SCAPER: variants seen among roughly 807,000 people sequenced by gnomAD.
SCAPER encodes the protein S-phase cyclin A associated protein in the ER, also known as S phase cyclin A-associated protein in the endoplasmic reticulum.
A neutral mutation model predicts 182.2 loss-of-function variants in SCAPER; 98 were observed. The observed-to-expected ratio is 0.54, with a 90% CI of 0.46 to 0.64. The LOEUF is 0.64. Among genes scored for constraint, SCAPER ranks in the 30% least tolerant of loss-of-function variants. The pLI, the probability that SCAPER is intolerant of heterozygous loss-of-function variation, is 0.00. For synonymous variants in SCAPER, 605 were observed against 564.6 expected (o/e 1.07, Z -1.01); for missense variants, 1,432 against 1,690.0 (o/e 0.85, Z 2.68).
intron 8 of SCAPER, among the ~76,000 whole-genome samples, chr15:76,778,780 T>G (rs75366968): frequency 0.015 from 2,355 of 152,040 alleles, 61 homozygotes; most frequent in African/African-American, 0.055. Flanking sequence ...GGAGCTCAGC[T>G]TACAAAACCA....
At chr15:76,654,579 A>T (rs1387052405) in intron 21 of SCAPER, among the ~76,000 whole-genome samples, 1 of 152,240 alleles carries the variant, frequency 6.6e-6, no homozygotes, top group African/African-American at 2.4e-5. Flanking sequence ...AAAGAACTTA[A>T]AACAGGGCTA....
intron 17 of SCAPER, among the ~76,000 whole-genome samples, chr15:76,725,764 A>G (rs940985012): frequency 7.9e-5 from 12 of 152,058 alleles, no homozygotes; most frequent in African/African-American, 2.9e-4. Flanking sequence ...CTTTTCAACA[A>G]GAAGTGATGG....
At chr15:76,471,445 C>T in intron 24 of SCAPER, 110 bp from the exon 25 acceptor site, 1 of 1,293,026 alleles carries the variant, frequency 7.7e-7, no homozygotes, top group Non-Finnish European at 1.0e-6. Flanking sequence ...AGATGGAAGT[C>T]ACTCTAAAAA....
intron 15 of SCAPER, 36 bp downstream of exon 15, chr15:76,753,772 G>T: frequency 6.3e-7 from 1 of 1,588,658 alleles, no homozygotes; most frequent in Non-Finnish European, 8.6e-7. Flanking sequence ...AAGTACTTGG[G>T]TAATTAAGTC....
intron 20 of SCAPER, among the ~76,000 whole-genome samples, chr15:76,674,301 C>T (rs2057231281): frequency 6.6e-6 from 1 of 151,966 alleles, no homozygotes; most frequent in South Asian, 2.1e-4. Context: ...AACTCAACAC[C>T]AATTATAGTC....
chr15:76,564,646 C>T (rs547971866), intron 23 of SCAPER, among the ~76,000 whole-genome samples: 1 of 152,030 alleles, frequency 6.6e-6, no homozygotes, highest in South Asian at 2.1e-4. Context: ...ATATTCTTCA[C>T]AGAACTAAAA....
intron 27 of SCAPER, among the ~76,000 whole-genome samples, chr15:76,400,891 T>C (rs1461484795): frequency 1.3e-5 from 2 of 151,830 alleles, no homozygotes; most frequent in Non-Finnish European, 2.9e-5. Context: ...ATATTTCATA[T>C]ACATAATAAA....
intron 17 of SCAPER, among the ~76,000 whole-genome samples, chr15:76,714,247 T>C (rs932577796): frequency 1.3e-5 from 2 of 152,150 alleles, no homozygotes; most frequent in Non-Finnish European, 2.9e-5. Context: ...ATCTTGATTG[T>C]GCAGATAGTT....
chr15:76,500,866 C>G (rs1351501854), intron 24 of SCAPER, among the ~76,000 whole-genome samples: 2 of 151,672 alleles, frequency 1.3e-5, no homozygotes, highest in Admixed American at 1.3e-4. Context: ...ATCGTGAAAC[C>G]CTGTCTCTAC....
intron 14 of SCAPER, among the ~76,000 whole-genome samples, chr15:76,758,225 G>A (rs981700279): frequency 1.3e-5 from 2 of 151,944 alleles, no homozygotes; most frequent in African/African-American, 2.4e-5. Context: ...CAGATTTTAT[G>A]TTTAAGCCTT....
intron 25 of SCAPER, among the ~76,000 whole-genome samples, chr15:76,445,583 A>G (rs1320354528): frequency 6.6e-6 from 1 of 152,042 alleles, no homozygotes; most frequent in African/African-American, 2.4e-5. Flanking sequence ...AGCCACCTGG[A>G]GATGGCATGT....
At chr15:76,762,925 G>A (rs2062879638) in intron 14 of SCAPER, among the ~76,000 whole-genome samples, 1 of 152,094 alleles carries the variant, frequency 6.6e-6, no homozygotes, top group African/African-American at 2.4e-5. Flanking sequence ...CTAAAGTACT[G>A]GGATTACAAG....
At chr15:76,690,455 T>A (rs951877991) in intron 20 of SCAPER, among the ~76,000 whole-genome samples, 9 of 151,908 alleles carry the variant, frequency 5.9e-5, no homozygotes, top group Non-Finnish European at 1.3e-4. Context: ...AATCCTGAAA[T>A]AGAAAAAGAA....
intron 21 of SCAPER, among the ~76,000 whole-genome samples, chr15:76,651,558 G>C (rs1392625830): frequency 6.7e-6 from 1 of 150,218 alleles, no homozygotes; most frequent in African/African-American, 2.4e-5. Flanking sequence ...GACTGAATTA[G>C]GAAGAGATTG....
intron 20 of SCAPER, among the ~76,000 whole-genome samples, chr15:76,674,764 G>A (rs1269689831): frequency 6.6e-6 from 1 of 152,094 alleles, no homozygotes; most frequent in Non-Finnish European, 1.5e-5. Flanking sequence ...CTGTATTTTG[G>A]TGCTTCTATA....
At chr15:76,382,973 A>G (rs1397293061) in intron 27 of SCAPER, among the ~76,000 whole-genome samples, 2 of 152,112 alleles carry the variant, frequency 1.3e-5, no homozygotes, top group Non-Finnish European at 2.9e-5. Flanking sequence ...ATTTGGCATG[A>G]TCTACACAAT....
chr15:76,504,645 CAA>C (rs2041424365), intron 24 of SCAPER, among the ~76,000 whole-genome samples: 1 of 152,112 alleles, frequency 6.6e-6, no homozygotes, highest in Non-Finnish European at 1.5e-5. Flanking sequence ...CATCACAGAC[CAA>C]AGAGATTTCC....
intron 2 of SCAPER, among the ~76,000 whole-genome samples, chr15:76,864,530 GTTAATTTTTACTCTTT>G (rs2072121699): frequency 1.3e-5 from 2 of 152,060 alleles, no homozygotes; most frequent in East Asian, 3.9e-4. Flanking sequence ...CCACCCACTG[GTTAATTTTTACTCTTT>G]TGGGGAATAT....
intron 30 of SCAPER, among the ~76,000 whole-genome samples, chr15:76,351,857 AC>A (rs1278134419): frequency 5.3e-5 from 8 of 152,300 alleles, no homozygotes; most frequent in African/African-American, 1.2e-4. Flanking sequence ...TTATAGAAAA[AC>A]ACTTGATTTA....
Sources: gnomAD v4.1 joint callset for allele counts (sites outside exome capture counted in the v4.1 genomes callset) on GRCh38, gnomAD v4.1.1 for gene constraint, MANE v1.5 for transcripts, NCBI Gene and HGNC (gene_info 2026-07-23, HGNC 2026-07-21) for gene names.